The following MICU2 variants were observed in gnomAD, a reference collection of about 807,000 sequenced individuals.
MICU2 encodes the protein calcium uptake protein 2, mitochondrial.
In MICU2, 64 loss-of-function variants were observed where a neutral mutation model predicts 60.4. The ratio of observed to expected loss-of-function variants is 1.06; its 90% CI spans 0.87 to 1.31. The LOEUF (loss-of-function observed/expected upper bound fraction) is 1.31, where lower values mean the gene tolerates loss of function less well. Ranked by LOEUF, MICU2 falls within the 50% of genes most tolerant of loss-of-function variation. The pLI is 0.00. For missense variants in MICU2, 569 were observed against 531.0 expected (o/e 1.07, Z -0.70); for synonymous variants, 201 against 175.0 (o/e 1.15, Z -1.17).
At chr13:21,541,907 T>A (rs1887292176) in intron 2 of MICU2, among the ~76,000 whole-genome samples, 1 of 152,204 alleles carries the variant, frequency 6.6e-6, no homozygotes. Flanking sequence ...TAATGCAGTT[T>A]AAGTTGTAAA....
chr13:21,596,213 G>A (rs1468721630), intron 1 of MICU2, among the ~76,000 whole-genome samples: 1 of 152,196 alleles, frequency 6.6e-6, no homozygotes, highest in Admixed American at 6.5e-5. Flanking sequence ...CAAAGCACTT[G>A]TGCATTTGCT....
intron 9 of MICU2, chr13:21,502,690 T>C (rs9509767): frequency 0.19 from 75,219 of 398,388 alleles, 9,022 homozygotes; most frequent in Non-Finnish European, 0.25. Context: ...ATAACAGTAG[T>C]GATACTTGTC....
At chr13:21,569,640 G>C (rs1566164433) in intron 1 of MICU2, among the ~76,000 whole-genome samples, 2 of 151,724 alleles carry the variant, frequency 1.3e-5, no homozygotes, top group African/African-American at 2.4e-5. Flanking sequence ...CAACTCTGTA[G>C]TATTATAATA....
intron 1 of MICU2, among the ~76,000 whole-genome samples, chr13:21,590,600 G>A (rs1322157190): frequency 6.6e-6 from 1 of 152,210 alleles, no homozygotes; most frequent in Non-Finnish European, 1.5e-5. Context: ...GAATTGGTCG[G>A]GCGTGGTGGC....
At chr13:21,552,224 A>G (rs1430407716) in intron 2 of MICU2, among the ~76,000 whole-genome samples, 4 of 152,138 alleles carry the variant, frequency 2.6e-5, no homozygotes, top group Non-Finnish European at 5.9e-5. Flanking sequence ...TGGCTGCATA[A>G]ATGTCTTCTT....
At chr13:21,556,869 T>C (rs1476379374) in intron 2 of MICU2, among the ~76,000 whole-genome samples, 1 of 152,162 alleles carries the variant, frequency 6.6e-6, no homozygotes, top group Non-Finnish European at 1.5e-5. Flanking sequence ...AGCTAATTCA[T>C]GTGTAAAATG....
intron 2 of MICU2, among the ~76,000 whole-genome samples, chr13:21,552,946 GT>G: frequency 6.6e-6 from 1 of 152,294 alleles, no homozygotes; most frequent in South Asian, 2.1e-4. Flanking sequence ...CTTTAAAGTA[GT>G]TTTTTCCAAT....
chr13:21,532,612 G>A (rs1012200848), intron 4 of MICU2, among the ~76,000 whole-genome samples: 3 of 152,190 alleles, frequency 2.0e-5, no homozygotes, highest in African/African-American at 7.2e-5. Context: ...AAGAGACAGA[G>A]AAGAAACAAC....
At chr13:21,593,566 C>T (rs1412393821) in intron 1 of MICU2, among the ~76,000 whole-genome samples, 3 of 38,912 alleles carry the variant, frequency 7.7e-5, no homozygotes, top group Non-Finnish European at 1.4e-4. Flanking sequence ...AAAGACAATC[C>T]TAAGCAAAAA....
intron 1 of MICU2, among the ~76,000 whole-genome samples, chr13:21,588,824 G>C (rs1372728008): frequency 6.6e-6 from 1 of 152,196 alleles, no homozygotes; most frequent in Non-Finnish European, 1.5e-5. Flanking sequence ...GGTCTGTTTA[G>C]ACACAATTAG....
chr13:21,571,347 G>A (rs543967472), intron 1 of MICU2, among the ~76,000 whole-genome samples: 1 of 152,248 alleles, frequency 6.6e-6, no homozygotes, highest in African/African-American at 2.4e-5. Flanking sequence ...AGACCAGCCT[G>A]AGCAATGTAG....
At chr13:21,538,469 CAGG>C (rs1174364079) in intron 4 of MICU2, among the ~76,000 whole-genome samples, 2 of 146,372 alleles carry the variant, frequency 1.4e-5, no homozygotes, top group African/African-American at 5.0e-5. Flanking sequence ...CAGGCTGCAG[CAGG>C]AGGACTGCTT....
intron 1 of MICU2, among the ~76,000 whole-genome samples, chr13:21,577,804 CAAAA>C (rs56200015): frequency 2.1e-5 from 1 of 47,898 alleles, no homozygotes; most frequent in Non-Finnish European, 4.1e-5. Context: ...GACTCGGTCT[CAAAA>C]AAAAAAAAAA....
intron 2 of MICU2, among the ~76,000 whole-genome samples, chr13:21,541,731 T>A (rs1307581592): frequency 6.6e-6 from 1 of 152,154 alleles, no homozygotes; most frequent in Non-Finnish European, 1.5e-5. Flanking sequence ...ATGACAGTAG[T>A]AAAAAGAGCC....
chr13:21,525,358 A>C (rs1886825163), intron 4 of MICU2, among the ~76,000 whole-genome samples: 1 of 151,228 alleles, frequency 6.6e-6, no homozygotes, highest in Non-Finnish European at 1.5e-5. Context: ...ACGCCCGGTT[A>C]ATTTTTTGTA....
intron 2 of MICU2, among the ~76,000 whole-genome samples, 154 bp downstream of exon 2, chr13:21,566,643 T>C (rs1411068076): frequency 6.6e-6 from 1 of 151,804 alleles, no homozygotes; most frequent in African/African-American, 2.4e-5. Flanking sequence ...AATATAAAAG[T>C]ATAAGTAGTG....
At chr13:21,570,185 C>T (rs1888075326) in intron 1 of MICU2, among the ~76,000 whole-genome samples, 1 of 152,070 alleles carries the variant, frequency 6.6e-6, no homozygotes, top group Non-Finnish European at 1.5e-5. Flanking sequence ...TTTGCTACAA[C>T]AAAATTTATG....
chr13:21,531,484 C>T (rs772855979), intron 4 of MICU2, among the ~76,000 whole-genome samples: 1 of 152,190 alleles, frequency 6.6e-6, no homozygotes, highest in Non-Finnish European at 1.5e-5. Context: ...GGTGCTGCTG[C>T]TACTCAGACT....
At chr13:21,569,817 A>C (rs1369830565) in intron 1 of MICU2, among the ~76,000 whole-genome samples, 2 of 151,022 alleles carry the variant, frequency 1.3e-5, no homozygotes, top group Admixed American at 1.3e-4. Context: ...TCTTCGTTTT[A>C]CAAAAAAAAA....
Sources: gnomAD v4.1 joint callset for allele counts (sites outside exome capture counted in the v4.1 genomes callset) on GRCh38, gnomAD v4.1.1 for gene constraint, MANE v1.5 for transcripts, NCBI Gene and HGNC (gene_info 2026-07-23, HGNC 2026-07-21) for gene names.